THSD7B: variants seen among roughly 807,000 people sequenced by gnomAD.
THSD7B encodes the protein thrombospondin type-1 domain-containing protein 7B.
THSD7B carries 138 observed loss-of-function variants against 213.6 expected under a neutral mutation model. The ratio of observed to expected loss-of-function variants is 0.65; its 90% CI spans 0.56 to 0.74. THSD7B has a LOEUF of 0.74. THSD7B is among the 30% of genes least tolerant of loss of function. The pLI is 0.00. For synonymous variants in THSD7B, 742 were observed against 687.0 expected, an observed-to-expected ratio of 1.08 and a Z score of -1.25; for missense variants, 1,931 against 1,991.5, an observed-to-expected ratio of 0.97 and a Z score of 0.58.
intron 5 of THSD7B, among the ~76,000 whole-genome samples, chr2:137,137,962 G>T (rs1239555011): frequency 6.6e-6 from 1 of 152,016 alleles, no homozygotes; most frequent in Non-Finnish European, 1.5e-5. Flanking sequence ...GCAGTGGTGT[G>T]ATCCCAGTTC....
At chr2:137,059,955 T>C (rs1243754166) in intron 3 of THSD7B, among the ~76,000 whole-genome samples, 1 of 152,200 alleles carries the variant, frequency 6.6e-6, no homozygotes, top group African/African-American at 2.4e-5. Context: ...TGCCCAGCTG[T>C]CTTCCAGAAT....
In THSD7B at chr2:137,057,173, G is replaced by T. The variant is rs1295720152; in HGVS notation, c.893G>T (p.Gly298Val). Residue 298 changes from glycine (G) to valine (V), a missense_variant, in exon 3 of 28, where the codon GGT becomes GTT. Physicochemically the swap from Gly to Val is moderately radical, Grantham distance 109. Coordinates refer to ENST00000409968, the MANE Select transcript of THSD7B (RefSeq NM_001316349.2). ...TCGAAGTCTTGGGCAATAGAGATAGGTTATCAAACCCGGCAGGTTTCGTGT... is the reference window on the plus strand; with the variant it reads ...TCGAAGTCTTGGGCAATAGAGATAGTTTATCAAACCCGGCAGGTTTCGTGT... Reference protein sequence around the residue: ...HHSKSWAIEIGYQTRQVSCTR... With the variant: ...HHSKSWAIEIVYQTRQVSCTR... 1.2e-6 allele frequency: 2 copies of T among 1,613,884 alleles called. 1 individual carries two copies. Among genetic ancestry groups the T allele is most frequent in the South Asian group, 2.2e-5 (2 of 91,064 alleles).
chr2:137,290,347 C>A (rs1200025065), intron 12 of THSD7B, among the ~76,000 whole-genome samples: 6 of 152,038 alleles, frequency 3.9e-5, no homozygotes, highest in Non-Finnish European at 8.8e-5. Flanking sequence ...CCTGGGCCTC[C>A]CAAAGTGCTG....
At chr2:137,498,955 G>C (rs922873320) in intron 15 of THSD7B, among the ~76,000 whole-genome samples, 2 of 152,126 alleles carry the variant, frequency 1.3e-5, no homozygotes, top group Non-Finnish European at 2.9e-5. Flanking sequence ...TTGTCACCAG[G>C]ACTACTAGCA....
intron 5 of THSD7B, 81 bp from the exon 6 acceptor site, chr2:137,160,132 A>C: frequency 7.1e-7 from 1 of 1,407,024 alleles, no homozygotes; most frequent in Non-Finnish European, 9.6e-7. Context: ...TATTTGCAAG[A>C]CAGGCATGCA....
At chr2:136,820,298 G>T (rs1466111352) in intron 1 of THSD7B, among the ~76,000 whole-genome samples, 1 of 152,164 alleles carries the variant, frequency 6.6e-6, no homozygotes. Context: ...ATTCCAAGGG[G>T]AAAATAATAA....
At chr2:137,666,402 A>G (rs114289592) in intron 26 of THSD7B, among the ~76,000 whole-genome samples, 300 of 152,226 alleles carry the variant, frequency 2.0e-3, no homozygotes, top group African/African-American at 6.9e-3. Context: ...TACTACATTG[A>G]ACCTCATTCT....
intron 2 of THSD7B, among the ~76,000 whole-genome samples, chr2:137,026,759 A>G (rs1686563350): frequency 1.3e-5 from 2 of 152,064 alleles, no homozygotes; most frequent in Admixed American, 1.3e-4. Context: ...AGCCAAGTCT[A>G]TTTGTTTAAA....
chr2:137,136,110 CATGGACACAGGGGAACATCACA>C (rs1225014180), intron 5 of THSD7B, among the ~76,000 whole-genome samples: 1 of 152,032 alleles, frequency 6.6e-6, no homozygotes, highest in Non-Finnish European at 1.5e-5. Context: ...AATGAGAACA[CATGGACACAGGGGAACATCACA>C]CACCAGGGCC....
intron 1 of THSD7B, among the ~76,000 whole-genome samples, chr2:136,787,595 C>G (rs1032311266): frequency 6.6e-6 from 1 of 152,104 alleles, no homozygotes; most frequent in Non-Finnish European, 1.5e-5. Flanking sequence ...GATTCAAAAT[C>G]TCTTGGAGAT....
chr2:137,627,976 CAATT>C (rs1303371660), intron 20 of THSD7B, among the ~76,000 whole-genome samples: 2 of 152,140 alleles, frequency 1.3e-5, no homozygotes, highest in African/African-American at 4.8e-5. Context: ...GCTGTTTAAG[CAATT>C]AGCTGAATCT....
At chr2:136,920,889 C>T (rs1684426577) in intron 2 of THSD7B, among the ~76,000 whole-genome samples, 1 of 152,128 alleles carries the variant, frequency 6.6e-6, no homozygotes, top group Non-Finnish European at 1.5e-5. Flanking sequence ...TACCTGGGCT[C>T]AGCCACAGCT....
At chr2:137,399,625 C>A (rs549251102) in intron 12 of THSD7B, among the ~76,000 whole-genome samples, 1 of 152,022 alleles carries the variant, frequency 6.6e-6, no homozygotes, top group African/African-American at 2.4e-5. Flanking sequence ...TTTAAAAATT[C>A]TTTTCTTCTT....
intron 2 of THSD7B, among the ~76,000 whole-genome samples, chr2:137,016,110 C>T (rs1686334656): frequency 6.6e-6 from 1 of 152,112 alleles, no homozygotes; most frequent in South Asian, 2.1e-4. Context: ...GGGGAAATTG[C>T]ATTTCATCCT....
At chr2:137,280,995 T>A (rs1381091882) in intron 12 of THSD7B, among the ~76,000 whole-genome samples, 1 of 152,122 alleles carries the variant, frequency 6.6e-6, no homozygotes, top group Non-Finnish European at 1.5e-5. Flanking sequence ...GTGAGTATAC[T>A]CTGTCAGCGA....
At chr2:137,526,584 A>T (rs529334094) in intron 15 of THSD7B, among the ~76,000 whole-genome samples, 1 of 151,814 alleles carries the variant, frequency 6.6e-6, no homozygotes, top group Non-Finnish European at 1.5e-5. Flanking sequence ...ACCACATCCC[A>T]CTAACTTTTT....
rs59620213 is a variant in THSD7B at position 137,575,725 on chromosome 2, C to CACACATATATATATAT, written c.3423+3170_3423+3171insCACATATATATATATA. 4.6e-4 allele frequency among the ~76,000 whole-genome samples: 51 copies of CACACATATATATATAT among 110,860 alleles called. 1 individual carries two copies. Among genetic ancestry groups the CACACATATATATATAT allele is most frequent in the African/African-American group, 1.2e-3 (40 of 32,168 alleles). 72.7% of individuals were successfully genotyped at this position (110,860 alleles called of 152,430 possible). A position where few individuals can be genotyped will look rare whatever the true frequency, so the allele number is the denominator to read the frequency against. On this transcript the variant is annotated intron_variant, in intron 17 of 27. Transcript: ENST00000409968. ...TGTTTTTTCTTATTCCCATAACACACATATATATATATATATATTTTTACT... is the reference window on the plus strand; with the variant it reads ...TGTTTTTTCTTATTCCCATAACACACACACATATATATATATATATATATATATATATATTTTTACT...
intron 12 of THSD7B, among the ~76,000 whole-genome samples, chr2:137,340,615 C>A (rs931312176): frequency 4.0e-5 from 6 of 151,804 alleles, no homozygotes; most frequent in Admixed American, 1.3e-4. Flanking sequence ...AATTGCCATT[C>A]TACTTTCTGT....
At chr2:137,029,228 G>T (rs761843149) in intron 2 of THSD7B, among the ~76,000 whole-genome samples, 3 of 151,832 alleles carry the variant, frequency 2.0e-5, no homozygotes, top group Admixed American at 2.0e-4. Context: ...ACAGGCACCT[G>T]CCAACATGCC....
Sources: allele counts gnomAD v4.1 joint callset (sites outside exome capture counted in the v4.1 genomes callset), GRCh38; gene constraint gnomAD v4.1.1; transcripts MANE v1.5; gene names NCBI Gene and HGNC (gene_info 2026-07-23, HGNC 2026-07-21).